Variants in ATAD2B observed in about 807,000 individuals in gnomAD.
ATAD2B encodes the protein ATPase family AAA domain-containing protein 2B.
Under a neutral mutation model 167.6 loss-of-function variants are expected in ATAD2B, and 40 were observed. The observed-to-expected ratio is 0.24, with a 90% CI of 0.19 to 0.31. The LOEUF is 0.31. Ranked by LOEUF, ATAD2B falls within the 10% of genes least tolerant of loss-of-function variation. The pLI is 1.00. For synonymous variants in ATAD2B, 579 were observed against 596.5 expected, an observed-to-expected ratio of 0.97 and a Z score of 0.43; for missense variants, 1,242 against 1,757.2, an observed-to-expected ratio of 0.71 and a Z score of 5.24.
chr2:23,701,917 C>CAGCCGGGTAGCTGGGT, the ATAD2B span, among the ~76,000 whole-genome samples: 3 of 150,118 alleles, frequency 2.0e-5, no homozygotes, highest in Non-Finnish European at 3.0e-5. Flanking sequence ...TCTTCTGCCT[C>CAGCCGGGTAGCTGGGT]AGCCGGGTAG....
intron 22 of ATAD2B, among the ~76,000 whole-genome samples, chr2:23,767,313 C>G (rs931657408): frequency 3.9e-5 from 6 of 152,154 alleles, no homozygotes; most frequent in African/African-American, 7.2e-5. Context: ...TGGTCTAACC[C>G]TAGCCAACAG....
chr2:23,886,408 T>C (rs1698664391), intron 4 of ATAD2B, among the ~76,000 whole-genome samples: 1 of 152,162 alleles, frequency 6.6e-6, no homozygotes, highest in African/African-American at 2.4e-5. Flanking sequence ...ATAATGCCTC[T>C]ATGAATAATT....
chr2:23,714,644 C>T, the ATAD2B span, among the ~76,000 whole-genome samples: 1 of 151,708 alleles, frequency 6.6e-6, no homozygotes, highest in Non-Finnish European at 1.5e-5. Flanking sequence ...CACTTGAGGT[C>T]AGGAGTTCAA....
intron 19 of ATAD2B, among the ~76,000 whole-genome samples, chr2:23,792,685 G>A (rs1391563106): frequency 8.6e-5 from 13 of 151,830 alleles, no homozygotes; most frequent in South Asian, 2.1e-4. Context: ...ACTTGTGGCC[G>A]GGCACGGTGG....
chr2:23,818,974 T>C (rs537179370), intron 17 of ATAD2B, among the ~76,000 whole-genome samples: 1 of 152,316 alleles, frequency 6.6e-6, no homozygotes, highest in African/African-American at 2.4e-5. Flanking sequence ...AAAAAGTTAT[T>C]TAATTACTGA....
chr2:23,696,703 G>T, the ATAD2B span: 2 of 543,134 alleles, frequency 3.7e-6, no homozygotes, highest in Non-Finnish European at 6.4e-6. The surrounding 1 kb of genome is among the most constrained non-coding windows in gnomAD (Gnocchi z 5.5). Flanking sequence ...CAAGCAGATG[G>T]GATGACATCT....
At chr2:23,798,502 C>T (rs900454982) in intron 18 of ATAD2B, among the ~76,000 whole-genome samples, 179 bp from the exon 19 acceptor site, 16 of 148,688 alleles carry the variant, frequency 1.1e-4, no homozygotes, top group Non-Finnish European at 2.1e-4. Flanking sequence ...CCTTGCCCCA[C>T]CAAAAAAAAA....
chr2:23,776,811 A>G (rs1269009905), intron 22 of ATAD2B, among the ~76,000 whole-genome samples: 1 of 152,216 alleles, frequency 6.6e-6, no homozygotes, highest in Non-Finnish European at 1.5e-5. Flanking sequence ...TTGTTATTAT[A>G]ATCACCAATA....
intron 8 of ATAD2B, 80 bp downstream of exon 8, chr2:23,875,749 A>T: frequency 1.1e-6 from 1 of 894,044 alleles, no homozygotes; most frequent in Non-Finnish European, 1.8e-6. Context: ...GACAACTGTT[A>T]GTCACTAATT....
chr2:23,871,369 C>A (rs1695950242), intron 8 of ATAD2B, among the ~76,000 whole-genome samples: 1 of 152,106 alleles, frequency 6.6e-6, no homozygotes, highest in Non-Finnish European at 1.5e-5. Context: ...TTTTAAAATT[C>A]AATGGCCTAC....
intron 12 of ATAD2B, among the ~76,000 whole-genome samples, chr2:23,857,978 C>T (rs1440825440): frequency 1.3e-5 from 2 of 152,046 alleles, no homozygotes; most frequent in East Asian, 1.9e-4. Flanking sequence ...CTCCTGACCT[C>T]GTGATCTGCC....
chr2:23,834,154 T>TTC (rs1689528837), intron 13 of ATAD2B, 76 bp from the exon 14 acceptor site: 1 of 448,492 alleles, frequency 2.2e-6, no homozygotes, highest in Non-Finnish European at 3.1e-6. Flanking sequence ...CAGTCTTTCT[T>TTC]TTTTTTTTTT....
intron 24 of ATAD2B, among the ~76,000 whole-genome samples, chr2:23,759,586 A>G (rs778664086): frequency 6.6e-5 from 10 of 152,306 alleles, no homozygotes; most frequent in South Asian, 6.2e-4. Context: ...ACCTAAGAAT[A>G]TATCTCCTAA....
At chr2:23,684,639 C>A in the ATAD2B span, 2 of 1,037,722 alleles carry the variant, frequency 1.9e-6, no homozygotes, top group Non-Finnish European at 2.7e-6. The surrounding 1 kb of genome is among the most constrained non-coding windows in gnomAD (Gnocchi z 4.4). Context: ...GCGTGACTCC[C>A]TGTCACAGAG....
the ATAD2B span, among the ~76,000 whole-genome samples, chr2:23,741,894 A>G: frequency 1.3e-5 from 2 of 152,164 alleles, no homozygotes; most frequent in Non-Finnish European, 2.9e-5. Context: ...GTGGGCGAAG[A>G]ACATGAACAG....
At chr2:23,879,955 G>A (rs1346248655) in intron 7 of ATAD2B, among the ~76,000 whole-genome samples, 5 of 151,928 alleles carry the variant, frequency 3.3e-5, no homozygotes, top group African/African-American at 1.2e-4. Flanking sequence ...CTACTCAGGA[G>A]GCTGAGGCAG....
intron 8 of ATAD2B, chr2:23,872,886 C>T: frequency 1.3e-6 from 1 of 795,272 alleles, no homozygotes; most frequent in East Asian, 2.4e-5. Context: ...CAGTGCCTGC[C>T]TGCCTGCCAC....
rs1252898981 is a variant in ATAD2B, at chr2:23,871,886, C to CT, written c.978-2126dup. Among the ~76,000 whole-genome samples, 372 of 151,238 alleles carry CT rather than the reference C, an allele frequency of 2.5e-3. 4 individuals carry two copies. Among genetic ancestry groups the CT allele is most frequent in the African/African-American group, 5.2e-3 (213 of 41,218 alleles). On this transcript the variant is annotated intron_variant, in intron 8 of 27. Coordinates refer to ENST00000238789, the MANE Select transcript of ATAD2B (RefSeq NM_017552.4). The stretch of plus-strand genomic sequence containing the variant: ...AGGAATTGTTTTTGGGTTTGTTTTT[C>CT]TTTTTTTTTGAGACAGAATCTCGCA...
chr2:23,685,028 C>A, the ATAD2B span, among the ~76,000 whole-genome samples: 1 of 152,234 alleles, frequency 6.6e-6, no homozygotes, highest in Non-Finnish European at 1.5e-5. Context: ...GCCCCCGGGG[C>A]TGCTTTTCCC....
Sources: allele counts gnomAD v4.1 joint callset (sites outside exome capture counted in the v4.1 genomes callset), GRCh38; gene constraint gnomAD v4.1.1; non-coding constraint Gnocchi (gnomAD v3.1); transcripts MANE v1.5; gene names NCBI Gene and HGNC (gene_info 2026-07-23, HGNC 2026-07-21).